TMEM123: variants seen among roughly 807,000 people sequenced by gnomAD.
TMEM123 encodes the protein porimin.
A neutral mutation model predicts 19.7 loss-of-function variants in TMEM123; 16 were observed. The ratio of observed to expected loss-of-function variants is 0.81; its 90% CI spans 0.55 to 1.23. TMEM123 has a LOEUF of 1.23. Ranked by LOEUF, TMEM123 falls within the 50% of genes most tolerant of loss-of-function variation. TMEM123 has a pLI of 0.00. For missense variants in TMEM123, 313 were observed against 257.8 expected (o/e 1.21, Z -1.47); for synonymous variants, 118 against 99.4 (o/e 1.19, Z -1.12).
chr11:102,442,075 A>G (rs1484432705), intron 2 of TMEM123, among the ~76,000 whole-genome samples: 2 of 152,332 alleles, frequency 1.3e-5, no homozygotes, highest in East Asian at 3.9e-4. Context: ...TACCAACCAA[A>G]AAAAGTCCAG....
chr11:102,398,948 T>C, intron 4 of TMEM123, 57 bp from the exon 5 acceptor site: 1 of 1,465,122 alleles, frequency 6.8e-7, no homozygotes, highest in South Asian at 1.2e-5. Context: ...CAAAACTACT[T>C]ATGTTCCTAT....
chr11:102,399,970 CA>C (rs11287064), intron 4 of TMEM123, among the ~76,000 whole-genome samples: 145,890 of 147,568 alleles, frequency 0.99, 72,113 homozygotes, highest in Middle Eastern at 1. Context: ...AACTCCATCT[CA>C]AAAAAAAAAA....
intron 4 of TMEM123, 36 bp from the exon 5 acceptor site, chr11:102,398,927 GTTT>G: frequency 6.3e-7 from 1 of 1,579,770 alleles, no homozygotes; most frequent in Non-Finnish European, 8.6e-7. Context: ...ACTTTGTTTT[GTTT>G]TTTCTGTCAA....
At chr11:102,416,896 G>T (rs544146492) in intron 2 of TMEM123, among the ~76,000 whole-genome samples, 1 of 152,042 alleles carries the variant, frequency 6.6e-6, no homozygotes, top group Non-Finnish European at 1.5e-5. Context: ...AAAAAACCAC[G>T]ATCATCTCAG....
Position 102,398,580 on chromosome 11 carries a change from A to G in TMEM123, c.*287T>C, listed in dbSNP as rs895813726. On this transcript the variant is annotated 3_prime_UTR_variant, in exon 5 of 5. Coordinates refer to ENST00000398136, the MANE Select transcript of TMEM123 (RefSeq NM_052932.3). ...TTCAATTACTGGTCATATGTGACCA[A>G]TGCCCCCACCCCAGCCAAAAAAAAA... 2 of 503,138 alleles carry G rather than the reference A, an allele frequency of 4.0e-6. No homozygotes were observed. The highest frequency in any genetic ancestry group is 6.8e-6 in the Non-Finnish European group (2 of 292,860). The allele number at this position is 503,138 out of a possible 1,614,324, so 31.2% of individuals were successfully genotyped here.
intron 2 of TMEM123, among the ~76,000 whole-genome samples, chr11:102,407,832 G>T (rs907009072): frequency 6.6e-6 from 1 of 152,182 alleles, no homozygotes; most frequent in Admixed American, 6.5e-5. Flanking sequence ...CCCGAACTGT[G>T]AGACAATCAA....
At chr11:102,440,353 G>T (rs1011416769) in intron 2 of TMEM123, among the ~76,000 whole-genome samples, 1 of 152,246 alleles carries the variant, frequency 6.6e-6, no homozygotes, top group Admixed American at 6.5e-5. Flanking sequence ...CGGATGTCTC[G>T]GCAGAAACTC....
rs1328850726 is a variant in TMEM123 at position 102,396,882 on chromosome 11, A to G, written c.*1985T>C. On this transcript the variant is annotated 3_prime_UTR_variant, in exon 5 of 5. Coordinates refer to ENST00000398136, the MANE Select transcript of TMEM123 (RefSeq NM_052932.3). ...CTATCTTCAAAGTGCTAAAGAAACA[A>G]GTATTCAAAAAGAAACTTCAGGTCG... 6.6e-6 allele frequency: 1 copy of G among 152,248 alleles called. No individual in the cohort carries two copies. The highest frequency in any genetic ancestry group is 1.5e-5 in the Non-Finnish European group (1 of 68,036). The allele number at this position is 152,248 out of a possible 1,614,324, so 9.4% of individuals were successfully genotyped here. A position where few individuals can be genotyped will look rare whatever the true frequency, so the allele number is the denominator to read the frequency against.
chr11:102,438,813 G>A (rs1246956361), intron 2 of TMEM123, among the ~76,000 whole-genome samples: 1 of 152,230 alleles, frequency 6.6e-6, no homozygotes, highest in East Asian at 1.9e-4. Context: ...GGAAGCACAA[G>A]GGGTTGGGGA....
intron 2 of TMEM123, among the ~76,000 whole-genome samples, chr11:102,426,691 G>T (rs1241425951): frequency 6.6e-6 from 1 of 152,130 alleles, no homozygotes; most frequent in Admixed American, 6.5e-5. Flanking sequence ...CTACTGCAAA[G>T]AAGTTAGAAA....
chr11:102,413,428 A>G (rs928495596), intron 2 of TMEM123, among the ~76,000 whole-genome samples: 1 of 152,188 alleles, frequency 6.6e-6, no homozygotes, highest in African/African-American at 2.4e-5. Context: ...TGGCACATAC[A>G]CATGGACCCT....
intron 2 of TMEM123, among the ~76,000 whole-genome samples, chr11:102,410,720 G>A (rs1014684434): frequency 2.6e-5 from 4 of 151,958 alleles, no homozygotes; most frequent in African/African-American, 9.7e-5. Flanking sequence ...GGCTGGTTTA[G>A]TACCTTCTCT....
intron 2 of TMEM123, among the ~76,000 whole-genome samples, chr11:102,447,905 G>A (rs1461466512): frequency 6.6e-6 from 1 of 152,202 alleles, no homozygotes; most frequent in East Asian, 1.9e-4. Context: ...AAAAACTCCA[G>A]CAAGTTGCAA....
intron 2 of TMEM123, among the ~76,000 whole-genome samples, chr11:102,402,527 C>T (rs771398751): frequency 7.9e-5 from 12 of 151,740 alleles, no homozygotes; most frequent in East Asian, 1.9e-4. Flanking sequence ...AACATCTCAA[C>T]GTATTTCATA....
At chr11:102,445,409 ATCAT>A (rs1857874735) in intron 2 of TMEM123, among the ~76,000 whole-genome samples, 1 of 152,200 alleles carries the variant, frequency 6.6e-6, no homozygotes, top group Non-Finnish European at 1.5e-5. Flanking sequence ...CAGTCAATCA[ATCAT>A]TCATCTGTAT....
intron 2 of TMEM123, among the ~76,000 whole-genome samples, chr11:102,418,998 C>T (rs1952062634): frequency 1.3e-5 from 2 of 151,994 alleles, no homozygotes; most frequent in Non-Finnish European, 2.9e-5. Flanking sequence ...AATAACACAC[C>T]AACACCTGCC....
chr11:102,439,113 C>A (rs1285470144), intron 2 of TMEM123, among the ~76,000 whole-genome samples: 4 of 152,180 alleles, frequency 2.6e-5, no homozygotes, highest in Non-Finnish European at 4.4e-5. Context: ...GTGGAGCCCA[C>A]CACAGCTCAA....
chr11:102,406,502 C>T (rs1418510298), intron 2 of TMEM123, among the ~76,000 whole-genome samples: 1 of 152,220 alleles, frequency 6.6e-6, no homozygotes, highest in Non-Finnish European at 1.5e-5. Flanking sequence ...CACACCTCCA[C>T]TAACAGCAAA....
Position 102,448,870 on chromosome 11 carries a change from T to C in TMEM123, c.101-2A>G. 2 of 1,613,346 alleles carry C rather than the reference T, an allele frequency of 1.2e-6. No individual in the cohort carries two copies. The highest frequency in any genetic ancestry group is 1.1e-5 in the South Asian group (1 of 91,062). On this transcript the variant is annotated splice_acceptor_variant, in intron 1 of 4. Transcript: ENST00000398136. LOFTEE classifies it high-confidence loss of function. ...CAGAATTCTCTATGTTTGCAGATGC[T>C]GTAAAAATAAAGAAATATCCTGTTA...
Sources: allele counts gnomAD v4.1 joint callset (sites outside exome capture counted in the v4.1 genomes callset), GRCh38; gene constraint gnomAD v4.1.1; transcripts MANE v1.5; gene names NCBI Gene and HGNC (gene_info 2026-07-23, HGNC 2026-07-21).